The following SLC24A2 variants were observed in gnomAD, a reference collection of about 807,000 sequenced individuals.
SLC24A2 encodes the protein solute carrier family 24 member 2.
Under a neutral mutation model 62.0 loss-of-function variants are expected in SLC24A2, and 36 were observed. That is an observed-to-expected ratio of 0.58 (90% CI 0.44 to 0.77). The LOEUF (loss-of-function observed/expected upper bound fraction) is 0.77, where lower values mean the gene tolerates loss of function less well. Among genes scored for constraint, SLC24A2 ranks in the 30% least tolerant of loss-of-function variants. The pLI is 0.00. For missense variants in SLC24A2, 846 were observed against 817.9 expected (o/e 1.03, Z -0.42); for synonymous variants, 358 against 294.0 (o/e 1.22, Z -2.23).
chr9:20,019,147 AAGAAAGAAAGAGAGAGAGAC>A, the SLC24A2 span, among the ~76,000 whole-genome samples: 1 of 107,724 alleles, frequency 9.3e-6, no homozygotes, highest in African/African-American at 3.9e-5. Flanking sequence ...GAAAGAAAGA[AAGAAAGAAAGAGAGAGAGAC>A]AGAAAGAAAG....
chr9:20,013,441 C>T, the SLC24A2 span, among the ~76,000 whole-genome samples: 2 of 152,090 alleles, frequency 1.3e-5, no homozygotes, highest in Non-Finnish European at 2.9e-5. Flanking sequence ...AAATATAGGA[C>T]CTGAAGCTAT....
chr9:19,724,609 C>T (rs1435449815), intron 2 of SLC24A2, among the ~76,000 whole-genome samples: 1 of 152,056 alleles, frequency 6.6e-6, no homozygotes, highest in Non-Finnish European at 1.5e-5. Context: ...AAAATAATGC[C>T]AAGTGTCTTT....
chr9:19,999,826 A>G, the SLC24A2 span, among the ~76,000 whole-genome samples: 1 of 152,142 alleles, frequency 6.6e-6, no homozygotes, highest in South Asian at 2.1e-4. Flanking sequence ...AGCAGTCAAC[A>G]CCCATGGCTG....
the SLC24A2 span, among the ~76,000 whole-genome samples, chr9:19,845,499 C>G: frequency 2.0e-5 from 3 of 151,982 alleles, no homozygotes; most frequent in Non-Finnish European, 4.4e-5. Flanking sequence ...TATTTGTATC[C>G]CTTTTTGCAG....
chr9:20,235,616 A>C, the SLC24A2 span, among the ~76,000 whole-genome samples: 1 of 152,198 alleles, frequency 6.6e-6, no homozygotes, highest in African/African-American at 2.4e-5. Context: ...CCAATTTTCT[A>C]GGTGCCCTCT....
chr9:19,663,261 G>T (rs923987685), intron 2 of SLC24A2, among the ~76,000 whole-genome samples: 9 of 152,212 alleles, frequency 5.9e-5, no homozygotes, highest in Non-Finnish European at 8.8e-5. Flanking sequence ...GCCATGAGAG[G>T]AATAAGAGTC....
At chr9:19,980,813 A>G in the SLC24A2 span, among the ~76,000 whole-genome samples, 1 of 152,184 alleles carries the variant, frequency 6.6e-6, no homozygotes, top group Non-Finnish European at 1.5e-5. Flanking sequence ...GTTAAATGGG[A>G]TAACATGTAC....
chr9:20,020,729 A>G, the SLC24A2 span, among the ~76,000 whole-genome samples: 36 of 152,328 alleles, frequency 2.4e-4, no homozygotes, highest in Middle Eastern at 0.017. Context: ...ATAAATAAAT[A>G]AACATAAAAA....
the SLC24A2 span, among the ~76,000 whole-genome samples, chr9:19,903,384 C>T: frequency 4.6e-5 from 7 of 152,112 alleles, no homozygotes; most frequent in Non-Finnish European, 7.4e-5. Flanking sequence ...GACACCAATC[C>T]CATCATGCGT....
chr9:20,008,828 C>A, the SLC24A2 span, among the ~76,000 whole-genome samples: 1 of 152,120 alleles, frequency 6.6e-6, no homozygotes, highest in Admixed American at 6.5e-5. Flanking sequence ...TTCAGTTTCC[C>A]AGTTCAGAAG....
chr9:20,234,341 C>A, the SLC24A2 span, among the ~76,000 whole-genome samples: 1 of 152,206 alleles, frequency 6.6e-6, no homozygotes, highest in African/African-American at 2.4e-5. Flanking sequence ...TGGTTCCATT[C>A]TCCCCGTCAC....
chr9:19,784,380 T>A (rs1380804005), intron 2 of SLC24A2, among the ~76,000 whole-genome samples: 3 of 152,134 alleles, frequency 2.0e-5, no homozygotes, highest in Admixed American at 6.5e-5. Flanking sequence ...TTCAGCCAAG[T>A]CTCTAAGTTA....
chr9:20,060,306 A>G, the SLC24A2 span, among the ~76,000 whole-genome samples: 1 of 152,128 alleles, frequency 6.6e-6, no homozygotes, highest in African/African-American at 2.4e-5. Flanking sequence ...CCCATTCCAA[A>G]AAGCCAGCTT....
the SLC24A2 span, among the ~76,000 whole-genome samples, chr9:20,187,790 ATC>A: frequency 6.6e-6 from 1 of 152,224 alleles, no homozygotes; most frequent in African/African-American, 2.4e-5. Flanking sequence ...ATAATTAATC[ATC>A]TGTTTATGGT....
intron 2 of SLC24A2, among the ~76,000 whole-genome samples, chr9:19,637,193 C>A (rs2118047428): frequency 6.6e-6 from 1 of 152,326 alleles, no homozygotes; most frequent in African/African-American, 2.4e-5. Flanking sequence ...GAGTAGAAGG[C>A]AGCACAGAGC....
Position 19,516,421 on chromosome 9 carries a change from G to A in SLC24A2, c.1737-19C>T, listed in dbSNP as rs771852753. The A allele has an allele frequency of 6.2e-7, 1 of 1,612,732 alleles. No homozygotes were observed. Among genetic ancestry groups the A allele is most frequent in the East Asian group, 2.2e-5 (1 of 44,822 alleles). On this transcript the variant is annotated intron_variant, in intron 10 of 10. Transcript: ENST00000341998. The stretch of plus-strand genomic sequence containing the variant: ...TGGGAGCCTGTGCAGAAGTGAAGCA[G>A]GGCAGAGGGGAGTGGGAAGACAAGG...
the SLC24A2 span, among the ~76,000 whole-genome samples, chr9:19,916,987 T>TG: frequency 6.8e-6 from 1 of 147,054 alleles, no homozygotes; most frequent in South Asian, 2.2e-4. Context: ...ACCTGTTTTT[T>TG]TTTTTTTTTT....
intron 8 of SLC24A2, among the ~76,000 whole-genome samples, chr9:19,535,140 G>C (rs1027637844): frequency 6.6e-6 from 1 of 152,026 alleles, no homozygotes; most frequent in Non-Finnish European, 1.5e-5. Context: ...ATGTTTGCTG[G>C]CTGCATAAAT....
chr9:20,085,667 T>C, the SLC24A2 span, among the ~76,000 whole-genome samples: 52 of 152,246 alleles, frequency 3.4e-4, no homozygotes, highest in African/African-American at 1.3e-3. Flanking sequence ...AATTTTATTG[T>C]ATTAATATAT....
Sources: allele counts gnomAD v4.1 joint callset (sites outside exome capture counted in the v4.1 genomes callset), GRCh38; gene constraint gnomAD v4.1.1; transcripts MANE v1.5; gene names NCBI Gene and HGNC (gene_info 2026-07-23, HGNC 2026-07-21).